DCTN4: variants seen among roughly 807,000 people sequenced by gnomAD.
DCTN4 encodes dynactin subunit 4.
Under a neutral mutation model 62.7 loss-of-function variants are expected in DCTN4, and 23 were observed. The observed-to-expected ratio is 0.37, with a 90% confidence interval of 0.26 to 0.52. The LOEUF (loss-of-function observed/expected upper bound fraction) is 0.52. Ranked by LOEUF, DCTN4 falls within the 20% of genes least tolerant of loss-of-function variation. DCTN4 has a pLI of 0.92. For missense variants in DCTN4, 514 were observed against 580.4 expected (o/e 0.89, Z 1.18); for synonymous variants, 199 against 202.1 (o/e 0.98, Z 0.13).
At chr5:150,751,312 G>C (rs1193835439) in intron 3 of DCTN4, among the ~76,000 whole-genome samples, 1 of 152,068 alleles carries the variant, frequency 6.6e-6, no homozygotes, top group Non-Finnish European at 1.5e-5. Flanking sequence ...AATTATCCCT[G>C]TTGAGATACC....
rs551210951 is a variant in DCTN4, at chr5:150,740,524, G to A, written c.429+1590C>T. ...TTAAAGAACTAAAAGTAGATCTACC[G>A]TTTGATCCAATAATCCTACTACTGG... On this transcript the variant is annotated intron_variant, in intron 4 of 12. Coordinates refer to ENST00000447998, the MANE Select transcript of DCTN4 (RefSeq NM_016221.4). 1.3e-3 allele frequency among the ~76,000 whole-genome samples: 195 copies of A among 152,224 alleles called. 1 individual carries two copies. Among genetic ancestry groups the A allele is most frequent in the Non-Finnish European group, 1.1e-3 (74 of 68,014 alleles).
Position 150,731,481 on chromosome 5 carries a change from A to G in DCTN4, c.546T>C (p.Tyr182=), listed in dbSNP as rs777454476. The G allele has an allele frequency of 3.2e-5, 51 of 1,613,270 alleles. No individual in the cohort carries two copies. In the East Asian group the frequency reaches 1.0e-3, roughly 33 times the overall value. The change falls in exon 6 of 13, where the codon TAT becomes TAC. Residue 182 remains tyrosine (Y), a synonymous_variant. Coordinates refer to ENST00000447998, the MANE Select transcript of DCTN4 (RefSeq NM_016221.4). ...NYMPLAFSDK[Y]GLGTRLQRPR... ...GTCGCTGAAGCCTGGTTCCAAGACC[A>G]TATTTGTCCTAAACAAAGTTCAGAA...
chr5:150,730,800 T>C, intron 7 of DCTN4, 60 bp from the exon 8 acceptor site: 9 of 1,397,910 alleles, frequency 6.4e-6, no homozygotes, highest in Middle Eastern at 1.8e-4. Context: ...CAGACTTTTA[T>C]GTACCAGTAA....
chr5:150,743,988 C>T (rs563421557), intron 3 of DCTN4, among the ~76,000 whole-genome samples: 58 of 152,312 alleles, frequency 3.8e-4, no homozygotes, highest in African/African-American at 1.3e-3. Flanking sequence ...AATCAAACTA[C>T]TCCGAGCTAC....
chr5:150,729,610 CT>C (rs61580837), intron 8 of DCTN4, among the ~76,000 whole-genome samples: 1,522 of 141,308 alleles, frequency 0.011, 9 homozygotes, highest in Non-Finnish European at 0.013. Context: ...AGAAAAAATA[CT>C]TTTTTTTTTT....
At chr5:150,735,510 C>T (rs1290945487) in intron 4 of DCTN4, among the ~76,000 whole-genome samples, 1 of 152,162 alleles carries the variant, frequency 6.6e-6, no homozygotes, top group Non-Finnish European at 1.5e-5. Flanking sequence ...GCAGACACTC[C>T]CCAGTACCAG....
intron 3 of DCTN4, among the ~76,000 whole-genome samples, chr5:150,752,608 C>A (rs564979219): frequency 6.6e-6 from 1 of 152,274 alleles, no homozygotes; most frequent in East Asian, 1.9e-4. Context: ...TTGATACAAC[C>A]AGATTAAACA....
intron 10 of DCTN4, among the ~76,000 whole-genome samples, chr5:150,718,704 A>C (rs893499775): frequency 6.6e-6 from 1 of 152,202 alleles, no homozygotes; most frequent in Non-Finnish European, 1.5e-5. Flanking sequence ...GCTGCCACTT[A>C]AGGACTGAAA....
chr5:150,721,218 T>C (rs1759946551), intron 9 of DCTN4, among the ~76,000 whole-genome samples: 1 of 152,210 alleles, frequency 6.6e-6, no homozygotes, highest in Non-Finnish European at 1.5e-5. Flanking sequence ...TACTTATTTT[T>C]AATTGCTGCA....
At chr5:150,749,671 AT>A (rs58707471) in intron 3 of DCTN4, among the ~76,000 whole-genome samples, 9,620 of 133,208 alleles carry the variant, frequency 0.072, 394 homozygotes, top group East Asian at 0.22. Context: ...ATAAAAAAAA[AT>A]AAAAATAGTT....
chr5:150,736,855 G>A (rs745698458), intron 4 of DCTN4, among the ~76,000 whole-genome samples: 4 of 152,128 alleles, frequency 2.6e-5, no homozygotes, highest in Non-Finnish European at 5.9e-5. Flanking sequence ...CCAAGTATCT[G>A]CCGTCTTCAA....
chr5:150,722,985 A>C lies in DCTN4; in HGVS notation c.835-5T>G. On this transcript the variant is annotated splice_polypyrimidine_tract_variant and splice_region_variant and intron_variant, in intron 8 of 12. Transcript: ENST00000447998. ...GCTCAAATTATGTTCACATTTCTAA[A>C]AAGAAAACAAATATAACACGTATCA... 1 of 1,599,306 alleles carries C rather than the reference A, an allele frequency of 6.3e-7. No individual in the cohort carries two copies. The highest frequency in any genetic ancestry group is 8.6e-7 in the Non-Finnish European group (1 of 1,167,990).
In DCTN4 at chr5:150,732,071, C is replaced by T. The variant is rs1341692839; in HGVS notation, c.538-582G>A. Among the ~76,000 whole-genome samples the T allele has an allele frequency of 2.0e-5, 3 of 152,210 alleles. No individual in the cohort carries two copies. In the East Asian group the frequency reaches 5.8e-4, roughly 29 times the overall value. On this transcript the variant is annotated intron_variant, in intron 5 of 12. Transcript: ENST00000447998. ...TAACACACATTGGTGCATATGCTGA[C>T]TATACCACTGGACTATTCAGAAAAA...
intron 5 of DCTN4, among the ~76,000 whole-genome samples, chr5:150,732,397 C>A (rs1039451622): frequency 1.3e-5 from 2 of 152,152 alleles, no homozygotes; most frequent in Non-Finnish European, 2.9e-5. Flanking sequence ...GTGATCCCCC[C>A]GCCTCAGCCT....
intron 4 of DCTN4, among the ~76,000 whole-genome samples, chr5:150,741,437 G>A (rs899030245): frequency 6.6e-6 from 1 of 150,852 alleles, no homozygotes; most frequent in Admixed American, 6.6e-5. Context: ...AGCTTCCTGA[G>A]TAATGGGGAT....
chr5:150,718,195 T>C (rs759582076), intron 11 of DCTN4, 81 bp downstream of exon 11: 29 of 864,514 alleles, frequency 3.4e-5, no homozygotes, highest in Non-Finnish European at 5.0e-5. Context: ...AAGGAGAGTG[T>C]GTGGAGTCTT....
chr5:150,721,896 C>T (rs1246895163), intron 9 of DCTN4, among the ~76,000 whole-genome samples: 1 of 152,172 alleles, frequency 6.6e-6, no homozygotes, highest in South Asian at 2.1e-4. Context: ...ACAATCATAG[C>T]TTACTGCAGC....
Position 150,730,697 on chromosome 5 carries a change from T to C in DCTN4, c.768A>G (p.Pro256=), listed in dbSNP as rs1274445946. 1 of 1,614,118 alleles carries C rather than the reference T, an allele frequency of 6.2e-7. No individual in the cohort carries two copies. Among genetic ancestry groups the C allele is most frequent in the Non-Finnish European group, 8.5e-7 (1 of 1,179,996 alleles). The change falls in exon 8 of 13, where the codon CCA becomes CCG. Residue 256 remains proline (P), a synonymous_variant. Transcript: ENST00000447998. Reference sequence around the variant, plus strand: ...GAGGATAGAGCTGTGAAGCACAGACTGGCTGGAAGTCAGGCTGTAACAGAC... The same window carrying C: ...GAGGATAGAGCTGTGAAGCACAGACCGGCTGGAAGTCAGGCTGTAACAGAC... The part of the protein sequence containing the change: ...QQRLLQPDFQ[P]VCASQLYPRH...
intron 8 of DCTN4, among the ~76,000 whole-genome samples, chr5:150,729,402 T>A (rs1043170986): frequency 6.6e-6 from 1 of 151,960 alleles, no homozygotes; most frequent in African/African-American, 2.4e-5. Context: ...ACAAAAAGAA[T>A]CAGCATCTTG....
Sources: allele counts gnomAD v4.1 joint callset (sites outside exome capture counted in the v4.1 genomes callset), GRCh38; gene constraint gnomAD v4.1.1; transcripts MANE v1.5; gene names NCBI Gene and HGNC (gene_info 2026-07-23, HGNC 2026-07-21).